Variants in EXOSC10 observed in about 807,000 individuals in gnomAD.
The protein encoded by EXOSC10 is exosome component 10.
In EXOSC10, 94 loss-of-function variants were observed where a neutral mutation model predicts 126.6. The ratio of observed to expected loss-of-function variants is 0.74; its 90% confidence interval spans 0.63 to 0.88. The LOEUF is 0.88. EXOSC10 is among the 40% of genes least tolerant of loss of function. The pLI is 0.00. For missense variants in EXOSC10, 1,041 were observed against 1,100.5 expected, an observed-to-expected ratio of 0.95 and a Z score of 0.77; for synonymous variants, 395 against 400.8, an observed-to-expected ratio of 0.99 and a Z score of 0.17.
chr1:11,087,722 G>A (rs902004746), intron 8 of EXOSC10, 78 bp downstream of exon 8: 2 of 1,472,428 alleles, frequency 1.4e-6, no homozygotes, highest in Admixed American at 2.1e-5. Context: ...ATTACAATTA[G>A]TATTAATTTT....
intron 23 of EXOSC10, 178 bp downstream of exon 23, chr1:11,068,467 C>A: frequency 1.6e-6 from 1 of 619,252 alleles, no homozygotes. Context: ...GCTTTTACAG[C>A]CTCGTTTTAT....
Position 11,077,411 on chromosome 1 carries a change from G to A in EXOSC10, c.1833C>T (p.Asp611=). Residue 611 remains aspartate, a synonymous_variant, in exon 16 of 25, where the codon GAC becomes GAT. Transcript: ENST00000376936. ...AGCCATCCGGAGGGGCATGGGAGCA[G>A]TCGTGAGGTCCAAAGAGAACATTCT... ...RLENVLFGPH[D]CSHAPPDGYP... 1 of 1,614,094 alleles carries A rather than the reference G, an allele frequency of 6.2e-7. No individual in the cohort carries two copies. Among genetic ancestry groups the A allele is most frequent in the Non-Finnish European group, 8.5e-7 (1 of 1,179,990 alleles).
chr1:11,095,586 C>CAT, intron 3 of EXOSC10, 172 bp downstream of exon 3: 1 of 482,904 alleles, frequency 2.1e-6, no homozygotes, highest in Non-Finnish European at 3.8e-6. Context: ...TGGTGGCGGG[C>CAT]GCCTGTAGTC....
chr1:11,079,885 G>A, intron 13 of EXOSC10, 63 bp from the exon 14 acceptor site: 2 of 1,309,932 alleles, frequency 1.5e-6, no homozygotes, highest in Admixed American at 3.9e-5. Flanking sequence ...AAGGCTTCCA[G>A]ATAAGAATAA....
rs758264592 is a variant in EXOSC10, at chr1:11,079,722, G to A, written c.1738C>T (p.Pro580Ser). ...HLLIQQAREM[P>S]LLKSEVAAGV... Reference sequence around the variant, plus strand: ...GAAAAGCTTCTTACCTTGAGCAGGGGCATCTCTCGGGCCTGCTGGATTAAA... The same window carrying A: ...GAAAAGCTTCTTACCTTGAGCAGGGACATCTCTCGGGCCTGCTGGATTAAA... Residue 580 changes from proline to serine, a missense_variant, in exon 14 of 25, where the codon CCC becomes TCC. By Grantham distance (74) the Pro-to-Ser change is moderately conservative. This residue lies in a region of EXOSC10 where 388 missense variants were observed against 415.2 expected (regional missense o/e 0.93). Transcript: ENST00000376936. 1.2e-6 allele frequency: 2 copies of A among 1,613,204 alleles called. No homozygotes were observed. Among genetic ancestry groups the A allele is most frequent in the South Asian group, 1.1e-5 (1 of 90,862 alleles).
chr1:11,069,654 C>T lies in EXOSC10; in HGVS notation c.2393G>A (p.Arg798Gln), dbSNP rs1639340111. The T allele has an allele frequency of 3.7e-6, 6 of 1,614,018 alleles. No individual in the cohort carries two copies. Among genetic ancestry groups the T allele is most frequent in the Non-Finnish European group, 4.2e-6 (5 of 1,180,048 alleles). Residue 798 changes from arginine (R) to glutamine (Q), a missense_variant, in exon 22 of 25, where the codon CGA becomes CAA. This residue lies in a region of EXOSC10 where 388 missense variants were observed against 415.2 expected (regional missense o/e 0.93). Transcript: ENST00000376936. ...CTTTGGCTTCTTGGAAATTTTGAGT[C>T]GTTTCTTCTCTTGTTTCTGTTCTGT... ...RTTEQKQEKK[R>Q]LKISKKPKDP...
chr1:11,067,840 C>G (rs964393571), intron 24 of EXOSC10, among the ~76,000 whole-genome samples, 168 bp downstream of exon 24: 1 of 152,080 alleles, frequency 6.6e-6, no homozygotes, highest in African/African-American at 2.4e-5. Flanking sequence ...CACCTCCCGC[C>G]CTTGTTTTCC....
chr1:11,090,610 G>C lies in EXOSC10; in HGVS notation c.702C>G (p.Pro234=), dbSNP rs200117904. The C allele has an allele frequency of 6.2e-7, 1 of 1,614,106 alleles. No homozygotes were observed. The highest frequency in any genetic ancestry group is 1.3e-5 in the African/African-American group (1 of 75,068). The stretch of plus-strand genomic sequence containing the variant: ...GATGGATGAAATCAGCCAGTGCAGG[G>C]GGGACGTCCAAGTCCTCAGGACGAT... ...PQDRPEDLDV[P]PALADFIHQQ... Residue 234 remains proline, a synonymous_variant, in exon 6 of 25, where the codon CCC becomes CCG. Coordinates refer to ENST00000376936, the MANE Select transcript of EXOSC10 (RefSeq NM_001001998.3).
At chr1:11,096,229 C>T (rs1045815050) in intron 2 of EXOSC10, among the ~76,000 whole-genome samples, 1 of 152,084 alleles carries the variant, frequency 6.6e-6, no homozygotes, top group Non-Finnish European at 1.5e-5. Context: ...AGTGATCTGC[C>T]TGCCTCCGAC....
chr1:11,080,844 A>C lies in EXOSC10; in HGVS notation c.1506T>G (p.Leu502=). The change falls in exon 12 of 25, where the codon CTT becomes CTG. Residue 502 remains leucine (L), a synonymous_variant. Coordinates refer to ENST00000376936, the MANE Select transcript of EXOSC10 (RefSeq NM_001001998.3). ...GAAAGGCTGTCAACTGCTGTGTGTT[A>C]AGGTGCTTCTTCTGCTTCCTATAGA... ...LELYRKQKKH[L]NTQQLTAFQL... is the part of the protein sequence containing the mutation. 1 of 1,614,088 alleles carries C rather than the reference A, an allele frequency of 6.2e-7. No individual in the cohort carries two copies. Among genetic ancestry groups the C allele is most frequent in the Non-Finnish European group, 8.5e-7 (1 of 1,180,010 alleles).
intron 19 of EXOSC10, 45 bp from the exon 20 acceptor site, chr1:11,072,216 C>A: frequency 6.9e-7 from 1 of 1,441,702 alleles, no homozygotes; most frequent in East Asian, 2.3e-5. Context: ...CCAAAGTCAG[C>A]CACCTAAGTC....
At chr1:11,096,789 T>A (rs1360359767) in intron 2 of EXOSC10, among the ~76,000 whole-genome samples, 1 of 152,166 alleles carries the variant, frequency 6.6e-6, no homozygotes, top group African/African-American at 2.4e-5. Context: ...CCTGATACTT[T>A]TTGATGAAAC....
intron 17 of EXOSC10, 109 bp from the exon 18 acceptor site, chr1:11,074,435 CAG>C (rs1478585147): frequency 5.5e-6 from 4 of 730,714 alleles, no homozygotes; most frequent in South Asian, 5.0e-5. Flanking sequence ...TTTCTGGAGA[CAG>C]AGTCTCGCTC....
At chr1:11,076,345 C>CA (rs111647602) in intron 17 of EXOSC10, among the ~76,000 whole-genome samples, 2,281 of 138,822 alleles carry the variant, frequency 0.016, 69 homozygotes, top group South Asian at 0.08. Flanking sequence ...AAGATTGTCT[C>CA]AAAAAAAAAA....
chr1:11,083,137 C>T (rs1023877356), intron 9 of EXOSC10, among the ~76,000 whole-genome samples: 5 of 152,116 alleles, frequency 3.3e-5, no homozygotes, highest in African/African-American at 9.7e-5. Context: ...TTTGTAGAGA[C>T]GGGGTTTCAC....
rs1034790872 is a variant in EXOSC10, at chr1:11,071,990, G to T, written c.2242+97C>A. 5.2e-5 allele frequency: 50 copies of T among 962,648 alleles called. No individual in the cohort carries two copies. The African/African-American group carries it at 6.5e-4, about 12-fold the overall frequency. 59.6% of individuals were successfully genotyped at this position (962,648 alleles called of 1,614,324 possible). On this transcript the variant is annotated intron_variant, in intron 20 of 24. Coordinates refer to ENST00000376936, the MANE Select transcript of EXOSC10 (RefSeq NM_001001998.3). ...TCAGCAGAAGGGAAGCCCCACAGGG[G>T]CTTCATTCATCGCCGTATCTGGCAC...
rs577839009 is a variant in EXOSC10 at position 11,087,842 on chromosome 1, G to C, written c.903C>G (p.Asn301Lys). ...ATTCCTGACAATTCAAGAGCTTTTC[G>C]TTGAGTTCCACGAGTTCATCCAGGG... is the stretch of plus-strand genomic sequence containing the variant. The part of the protein sequence containing the change: ...ISSLDELVEL[N>K]EKLLNCQEFA... Residue 301 changes from asparagine (N) to lysine (K), a missense_variant, in exon 8 of 25, where the codon AAC (asparagine) becomes AAG (lysine). Physicochemically the swap from Asn to Lys is moderately conservative, Grantham distance 94 (BLOSUM62 0). This residue lies in a region of EXOSC10 where 645 missense variants were observed against 656.3 expected (regional missense o/e 0.98). Coordinates refer to ENST00000376936, the MANE Select transcript of EXOSC10 (RefSeq NM_001001998.3). 6.2e-7 allele frequency: 1 copy of C among 1,613,696 alleles called. No homozygotes were observed. Among genetic ancestry groups the C allele is most frequent in the African/African-American group, 1.3e-5 (1 of 74,866 alleles).
Position 11,072,124 on chromosome 1 carries a change from AG to A in EXOSC10, c.2204del (p.Ser735LeufsTer39). On this transcript the variant is annotated frameshift_variant, in exon 20 of 25. Transcript: ENST00000376936. LOFTEE classifies it high-confidence loss of function. ...CTGCCTTCTTCTTGACAGCTTCTTT[AG>A]AGTCTTTTTGTACTTGTACCTGGGC... is the stretch of plus-strand genomic sequence containing the variant. ...KLAQVQVQKD[S>X]KEAVKKKAAE... 6.2e-7 allele frequency: 1 copy of A among 1,613,942 alleles called. No homozygotes were observed. Among genetic ancestry groups the A allele is most frequent in the South Asian group, 1.1e-5 (1 of 91,028 alleles).
rs3189812 is a variant in EXOSC10, at chr1:11,099,812, C to T, written c.20G>A (p.Arg7Gln). 1.7e-5 allele frequency: 28 copies of T among 1,610,676 alleles called. No homozygotes were observed. The highest frequency in any genetic ancestry group is 3.3e-5 in the South Asian group (3 of 90,864). MAPPST[R>Q]EPRVLSATSA... Reference sequence around the variant, plus strand: ...GGTCGCCGACAGGACCCTGGGCTCCCGGGTACTGGGTGGCGCCATTTTTTC... The same window carrying T: ...GGTCGCCGACAGGACCCTGGGCTCCTGGGTACTGGGTGGCGCCATTTTTTC... The change falls in exon 1 of 25, where the codon CGG becomes CAG. Residue 7 changes from arginine (R) to glutamine (Q), a missense_variant. By Grantham distance (43) the Arg-to-Gln change is conservative. This residue lies in a region of EXOSC10 where 645 missense variants were observed against 656.3 expected (regional missense o/e 0.98). Transcript: ENST00000376936.
Sources: gnomAD v4.1 joint callset for allele counts (sites outside exome capture counted in the v4.1 genomes callset) on GRCh38, gnomAD v4.1.1 for gene constraint, gnomAD v4.1.1 regional missense constraint, MANE v1.5 for transcripts, NCBI Gene and HGNC (gene_info 2026-07-23, HGNC 2026-07-21) for gene names.